Variants in ZBTB20 observed in about 807,000 individuals in gnomAD.
ZBTB20 encodes the protein zinc finger and BTB domain containing 20.
ZBTB20 carries 9 observed loss-of-function variants against 56.9 expected under a neutral mutation model. The ratio of observed to expected loss-of-function variants is 0.16; its 90% CI spans 0.10 to 0.28. The LOEUF is 0.28. Among genes scored for constraint, ZBTB20 ranks in the 10% least tolerant of loss-of-function variants. ZBTB20 has a pLI of 1.00. For synonymous variants in ZBTB20, 417 were observed against 420.7 expected, an observed-to-expected ratio of 0.99 and a Z score of 0.11; for missense variants, 655 against 1,003.0, an observed-to-expected ratio of 0.65 and a Z score of 4.69.
Position 115,107,564 on chromosome 3 carries a change from C to T in ZBTB20, c.-702-36150G>A, listed in dbSNP as rs527409431. Among the ~76,000 whole-genome samples, 90 of 152,300 alleles carry T rather than the reference C, an allele frequency of 5.9e-4. 1 individual carries two copies. The highest frequency in any genetic ancestry group is 5.8e-3 in the Admixed American group (89 of 15,282). On this transcript the variant is annotated intron_variant, in intron 1 of 11. Transcript: ENST00000675478. The stretch of plus-strand genomic sequence containing the variant: ...TTACACCATTGGTGGGAATGTTCAA[C>T]CATTGTGGAAGACAGTGTGGCGATT...
intron 7 of ZBTB20, among the ~76,000 whole-genome samples, chr3:114,485,497 C>A (rs557959917): frequency 6.6e-6 from 1 of 152,248 alleles, no homozygotes; most frequent in South Asian, 2.1e-4. Context: ...TTGGTCACTA[C>A]TTGAGTAGAG....
At chr3:114,937,610 A>G (rs1305227274) in intron 3 of ZBTB20, among the ~76,000 whole-genome samples, 1 of 151,508 alleles carries the variant, frequency 6.6e-6, no homozygotes, top group Non-Finnish European at 1.5e-5. Context: ...TTTATTAGAG[A>G]CAGAGTTTCA....
At chr3:114,844,373 T>TATATATATATATATATA (rs1467342908) in intron 4 of ZBTB20, among the ~76,000 whole-genome samples, 6 of 88,242 alleles carry the variant, frequency 6.8e-5, no homozygotes, top group Admixed American at 2.2e-4. Flanking sequence ...ATATATATAT[T>TATATATATATATATATA]AGCTGAGAGT....
At chr3:115,120,232 A>G (rs1475974781) in intron 1 of ZBTB20, among the ~76,000 whole-genome samples, 1 of 152,122 alleles carries the variant, frequency 6.6e-6, no homozygotes, top group Non-Finnish European at 1.5e-5. Context: ...ATGTACCGCT[A>G]TGCTGGAAAA....
chr3:114,731,522 A>G (rs949996012), intron 5 of ZBTB20, among the ~76,000 whole-genome samples: 1 of 152,142 alleles, frequency 6.6e-6, no homozygotes, highest in African/African-American at 2.4e-5. Flanking sequence ...CATTCCAGTT[A>G]TTGAAAAAAA....
intron 5 of ZBTB20, among the ~76,000 whole-genome samples, chr3:114,782,836 CAG>C (rs2070204320): frequency 6.6e-6 from 1 of 152,030 alleles, no homozygotes; most frequent in Non-Finnish European, 1.5e-5. Flanking sequence ...GGCTGATATG[CAG>C]AGATAAGTTG....
At chr3:114,870,299 A>G (rs1474831042) in intron 4 of ZBTB20, among the ~76,000 whole-genome samples, 1 of 151,616 alleles carries the variant, frequency 6.6e-6, no homozygotes, top group Non-Finnish European at 1.5e-5. Flanking sequence ...GTTAATATGA[A>G]ATTACTTTGT....
chr3:114,659,795 G>A (rs1373363813), intron 6 of ZBTB20, among the ~76,000 whole-genome samples: 3 of 152,122 alleles, frequency 2.0e-5, no homozygotes, highest in Non-Finnish European at 4.4e-5. Flanking sequence ...GATTTATGAA[G>A]TGACTTCACT....
At chr3:114,870,557 G>A (rs772239328) in intron 4 of ZBTB20, among the ~76,000 whole-genome samples, 1 of 151,646 alleles carries the variant, frequency 6.6e-6, no homozygotes, top group African/African-American at 2.4e-5. Context: ...TGCTTCAGTG[G>A]TGATGGTGGT....
intron 4 of ZBTB20, among the ~76,000 whole-genome samples, chr3:114,877,323 A>G (rs752966522): frequency 5.3e-5 from 8 of 152,354 alleles, no homozygotes; most frequent in Middle Eastern, 6.8e-3. Context: ...GTTCCTCTCA[A>G]GGAGCTTATA....
intron 1 of ZBTB20, among the ~76,000 whole-genome samples, chr3:115,078,335 A>T (rs910690639): frequency 4.6e-5 from 7 of 152,140 alleles, no homozygotes; most frequent in African/African-American, 1.7e-4. Context: ...CTAAGCCAGA[A>T]CTCTGGTAAA....
chr3:114,406,545 A>G (rs899775985), intron 7 of ZBTB20, among the ~76,000 whole-genome samples: 1 of 152,296 alleles, frequency 6.6e-6, no homozygotes, highest in African/African-American at 2.4e-5. Context: ...AAACCAGCTA[A>G]ATATGAGCAA....
chr3:114,447,109 A>G (rs944905405), intron 7 of ZBTB20, among the ~76,000 whole-genome samples: 2 of 152,164 alleles, frequency 1.3e-5, no homozygotes, highest in Non-Finnish European at 2.9e-5. Context: ...AGAAATAAAC[A>G]AGTAGCTCTT....
chr3:114,841,279 G>A (rs1423777057), intron 4 of ZBTB20, among the ~76,000 whole-genome samples: 1 of 152,120 alleles, frequency 6.6e-6, no homozygotes, highest in Non-Finnish European at 1.5e-5. Flanking sequence ...GTGAGCACAT[G>A]GGGGAAGAAA....
At chr3:114,410,848 G>T (rs143953611) in intron 7 of ZBTB20, among the ~76,000 whole-genome samples, 1 of 152,092 alleles carries the variant, frequency 6.6e-6, no homozygotes, top group Non-Finnish European at 1.5e-5. Flanking sequence ...ATTTTGAGCC[G>T]CCCATTTTCT....
intron 7 of ZBTB20, among the ~76,000 whole-genome samples, chr3:114,439,483 T>A (rs1414194318): frequency 1.3e-5 from 2 of 152,168 alleles, no homozygotes; most frequent in East Asian, 3.9e-4. Flanking sequence ...AAGCTAAGTT[T>A]CTCTTTCCTG....
chr3:114,542,782 C>T (rs2049273528), intron 6 of ZBTB20, among the ~76,000 whole-genome samples: 1 of 152,142 alleles, frequency 6.6e-6, no homozygotes, highest in African/African-American at 2.4e-5. Context: ...TTCAGAATAA[C>T]ATAGTCAAAT....
intron 6 of ZBTB20, among the ~76,000 whole-genome samples, chr3:114,539,730 T>C (rs1157943013): frequency 6.6e-6 from 1 of 152,096 alleles, no homozygotes; most frequent in Middle Eastern, 3.2e-3. Flanking sequence ...GCTAAGGCTA[T>C]ACCCACCCTT....
At chr3:114,936,755 G>A (rs940969575) in intron 3 of ZBTB20, among the ~76,000 whole-genome samples, 1 of 152,208 alleles carries the variant, frequency 6.6e-6, no homozygotes, top group Non-Finnish European at 1.5e-5. Flanking sequence ...AGGCACTGCA[G>A]TGGGAGTGTA....
Sources: allele counts gnomAD v4.1 joint callset (sites outside exome capture counted in the v4.1 genomes callset), GRCh38; gene constraint gnomAD v4.1.1; transcripts MANE v1.5; gene names NCBI Gene and HGNC (gene_info 2026-07-23, HGNC 2026-07-21).